SHISA9: variants seen among roughly 807,000 people sequenced by gnomAD.
The protein encoded by SHISA9 is shisa family member 9, also known as protein shisa-9.
A neutral mutation model predicts 38.0 loss-of-function variants in SHISA9; 13 were observed. The ratio of observed to expected loss-of-function variants is 0.34; its 90% CI spans 0.22 to 0.54. The LOEUF (loss-of-function observed/expected upper bound fraction) is 0.54, where lower values mean the gene tolerates loss of function less well. Among genes scored for constraint, SHISA9 ranks in the 20% least tolerant of loss-of-function variants. The probability of loss-of-function intolerance (pLI) is 0.91; values close to 1 mark genes in which losing one functional copy is unlikely to be tolerated. For synonymous variants in SHISA9, 275 were observed against 242.0 expected (o/e 1.14, Z -1.27); for missense variants, 538 against 575.8 (o/e 0.93, Z 0.67).
the SHISA9 span, among the ~76,000 whole-genome samples, chr16:13,466,456 T>C: frequency 6.6e-6 from 1 of 152,296 alleles, no homozygotes; most frequent in Admixed American, 6.5e-5. Flanking sequence ...GGACTACAAA[T>C]GGCCCACACT....
chr16:12,964,874 A>G (rs1391033858), intron 2 of SHISA9, among the ~76,000 whole-genome samples: 1 of 152,220 alleles, frequency 6.6e-6, no homozygotes, highest in Non-Finnish European at 1.5e-5. Flanking sequence ...AATTGAGAAC[A>G]TACTTCTATT....
intron 4 of SHISA9, among the ~76,000 whole-genome samples, chr16:13,216,440 T>C (rs988318244): frequency 4.6e-5 from 7 of 152,204 alleles, no homozygotes; most frequent in Admixed American, 1.3e-4. Flanking sequence ...AGTTCATTAC[T>C]GGTATTAGTA....
chr16:13,272,892 G>A, the SHISA9 span, among the ~76,000 whole-genome samples: 2 of 152,060 alleles, frequency 1.3e-5, no homozygotes, highest in African/African-American at 2.4e-5. Context: ...TCTCTGCAAC[G>A]CTTAGACTTT....
chr16:13,289,960 G>A, the SHISA9 span, among the ~76,000 whole-genome samples: 8 of 152,162 alleles, frequency 5.3e-5, no homozygotes, highest in Non-Finnish European at 8.8e-5. Context: ...GCTGTAATTT[G>A]AGAATATAGG....
chr16:13,080,197 C>T (rs2073631811), intron 2 of SHISA9, among the ~76,000 whole-genome samples: 2 of 152,040 alleles, frequency 1.3e-5, no homozygotes, highest in Non-Finnish European at 2.9e-5. Context: ...CATGGTGAAA[C>T]CCCATCTCTA....
chr16:13,069,612 C>T (rs1038461650), intron 2 of SHISA9, among the ~76,000 whole-genome samples: 1 of 152,112 alleles, frequency 6.6e-6, no homozygotes, highest in African/African-American at 2.4e-5. Flanking sequence ...CATGTGTGTA[C>T]ATGCAATGTG....
intron 2 of SHISA9, among the ~76,000 whole-genome samples, chr16:13,063,109 T>G (rs1166872212): frequency 7.2e-6 from 1 of 139,250 alleles, no homozygotes; most frequent in Non-Finnish European, 1.6e-5. Flanking sequence ...CGGGATCAAG[T>G]GATTCTCCTG....
At chr16:13,055,277 C>T (rs550573862) in intron 2 of SHISA9, among the ~76,000 whole-genome samples, 16 of 152,240 alleles carry the variant, frequency 1.1e-4, no homozygotes, top group African/African-American at 3.6e-4. Flanking sequence ...GTAAATAGAA[C>T]GAGAATTAGA....
chr16:13,265,899 A>G, the SHISA9 span, among the ~76,000 whole-genome samples: 1 of 152,292 alleles, frequency 6.6e-6, no homozygotes, highest in African/African-American at 2.4e-5. Flanking sequence ...CTGGGTATCA[A>G]TTTACACTGA....
chr16:13,120,699 C>T (rs985611678), intron 2 of SHISA9, among the ~76,000 whole-genome samples: 2 of 152,072 alleles, frequency 1.3e-5, no homozygotes, highest in Non-Finnish European at 2.9e-5. Context: ...ATGCCCCGAG[C>T]TGTGGGAAGG....
chr16:13,163,138 T>C (rs1395207372), intron 2 of SHISA9, among the ~76,000 whole-genome samples: 1 of 152,162 alleles, frequency 6.6e-6, no homozygotes, highest in East Asian at 1.9e-4. Context: ...TCAGTTTCTT[T>C]GTCCGTGAAA....
Position 13,237,916 on chromosome 16 carries a change from A to G in SHISA9, c.*2507A>G, listed in dbSNP as rs1003923758. 1 of 152,194 alleles carries G rather than the reference A, an allele frequency of 6.6e-6. No homozygotes were observed. The highest frequency in any genetic ancestry group is 1.5e-5 in the Non-Finnish European group (1 of 68,038). 9.4% of individuals were successfully genotyped at this position (152,194 alleles called of 1,614,324 possible). A position where few individuals can be genotyped will look rare whatever the true frequency, so the allele number is the denominator to read the frequency against. On this transcript the variant is annotated 3_prime_UTR_variant, in exon 5 of 5. Coordinates refer to ENST00000558583, the MANE Select transcript of SHISA9 (RefSeq NM_001145204.3). ...TGTATATCACCTTCACAATATTTGT[A>G]TCTAAATTGATTCATTTTAATGCAT...
chr16:13,287,941 G>A, the SHISA9 span, among the ~76,000 whole-genome samples: 1 of 152,060 alleles, frequency 6.6e-6, no homozygotes, highest in Admixed American at 6.6e-5. Flanking sequence ...TCGCTAATGG[G>A]TGAATACAGG....
the SHISA9 span, among the ~76,000 whole-genome samples, chr16:13,269,286 C>T: frequency 1.3e-5 from 2 of 152,178 alleles, no homozygotes; most frequent in Non-Finnish European, 2.9e-5. Context: ...CGGTCGGTCA[C>T]CAGCTGTGTA....
At chr16:13,132,475 T>A (rs906001709) in intron 2 of SHISA9, among the ~76,000 whole-genome samples, 1 of 152,188 alleles carries the variant, frequency 6.6e-6, no homozygotes, top group Admixed American at 6.5e-5. Context: ...GACTGGATAA[T>A]TCTTTGCTGT....
At chr16:13,450,069 A>G in the SHISA9 span, among the ~76,000 whole-genome samples, 4 of 152,146 alleles carry the variant, frequency 2.6e-5, no homozygotes, top group Non-Finnish European at 4.4e-5. Flanking sequence ...GTGAGCCAAG[A>G]TCGCACCCCT....
At chr16:13,271,628 AAAAC>A in the SHISA9 span, among the ~76,000 whole-genome samples, 1 of 152,188 alleles carries the variant, frequency 6.6e-6, no homozygotes, top group Non-Finnish European at 1.5e-5. Context: ...AAAGAAAAGA[AAAAC>A]AGACAGAGAG....
rs1567337112 is a variant in SHISA9, at chr16:12,914,347, T to C, written c.564-2341T>C. 2.0e-5 allele frequency among the ~76,000 whole-genome samples: 3 copies of C among 152,264 alleles called. No individual in the cohort carries two copies. The South Asian group carries it at 6.2e-4, about 32-fold the overall frequency. On this transcript the variant is annotated intron_variant, in intron 1 of 4. Coordinates refer to ENST00000558583, the MANE Select transcript of SHISA9 (RefSeq NM_001145204.3). The stretch of plus-strand genomic sequence containing the variant: ...GCGTGAGCCACCGTGCCCGGTAGTT[T>C]ATCTACTTAACATGTTTGTTTATTT...
At chr16:13,509,237 G>A in the SHISA9 span, among the ~76,000 whole-genome samples, 11 of 151,648 alleles carry the variant, frequency 7.3e-5, no homozygotes, top group African/African-American at 2.7e-4. Flanking sequence ...TGACAATTCC[G>A]GCAGCAAGCC....
Sources: gnomAD v4.1 joint callset for allele counts (sites outside exome capture counted in the v4.1 genomes callset) on GRCh38, gnomAD v4.1.1 for gene constraint, MANE v1.5 for transcripts, NCBI Gene and HGNC (gene_info 2026-07-23, HGNC 2026-07-21) for gene names.